BEND7: variants seen among roughly 807,000 people sequenced by gnomAD.
The protein encoded by BEND7 is BEN domain-containing protein 7.
BEND7 carries 28 observed loss-of-function variants against 50.9 expected under a neutral mutation model. The observed-to-expected ratio is 0.55, with a 90% CI of 0.41 to 0.75. The LOEUF (loss-of-function observed/expected upper bound fraction) is 0.75, where lower values mean the gene tolerates loss of function less well. Ranked by LOEUF, BEND7 falls within the 30% of genes least tolerant of loss-of-function variation. The pLI is 0.00. For synonymous variants in BEND7, 170 were observed against 183.9 expected (o/e 0.92, Z 0.61); for missense variants, 477 against 491.3 (o/e 0.97, Z 0.28).
intron 3 of BEND7, among the ~76,000 whole-genome samples, chr10:13,499,200 T>C (rs1001355408): frequency 6.6e-6 from 1 of 152,192 alleles, no homozygotes; most frequent in Non-Finnish European, 1.5e-5. Context: ...TTCTTAACAA[T>C]TAGGAAACTT....
intron 6 of BEND7, among the ~76,000 whole-genome samples, chr10:13,470,815 T>A (rs906739505): frequency 2.0e-5 from 3 of 152,178 alleles, no homozygotes; most frequent in Admixed American, 6.5e-5. Context: ...GGAGGTAAAC[T>A]ATATCTGAGT....
chr10:13,466,652 T>C (rs1293913780), intron 6 of BEND7, among the ~76,000 whole-genome samples: 1 of 152,174 alleles, frequency 6.6e-6, no homozygotes, highest in Non-Finnish European at 1.5e-5. Context: ...AATCGAATGC[T>C]GAGGCTCAAG....
chr10:13,492,123 G>T (rs544043361), intron 5 of BEND7, among the ~76,000 whole-genome samples: 1 of 152,020 alleles, frequency 6.6e-6, no homozygotes, highest in African/African-American at 2.4e-5. Context: ...ATCATTACAC[G>T]GAGTAAATGG....
Position 13,496,787 on chromosome 10 carries a change from T to A in BEND7, c.550A>T (p.Lys184Ter), listed in dbSNP as rs763351028. The change falls in exon 4 of 9, where the codon AAA (lysine) becomes TAA (stop). Residue 184 changes from lysine (K) to a stop codon, truncating the protein, a stop_gained. Coordinates refer to ENST00000466271, the MANE Select transcript of BEND7 (RefSeq NM_001369863.1). LOFTEE classifies it high-confidence loss of function. ...GTACCTGCTTGAATTTGCATTAATT[T>A]CCTCATGGTCTTGAGTTCTTGTAGA... ...AILQELKTMRKLMQIQAVGTQ... is the reference protein window; with the variant it reads ...AILQELKTMR 2 of 1,613,830 alleles carry A rather than the reference T, an allele frequency of 1.2e-6. No homozygotes were observed. Among genetic ancestry groups the A allele is most frequent in the Non-Finnish European group, 1.7e-6 (2 of 1,179,940 alleles).
chr10:13,447,411 T>C, intron 7 of BEND7, 95 bp from the exon 8 acceptor site: 4 of 1,227,966 alleles, frequency 3.3e-6, no homozygotes, highest in South Asian at 1.3e-5. Context: ...AACTCCAGTA[T>C]ACATAACTGT....
downstream of BEND7, chr10:13,438,983 A>T: frequency 1.7e-6 from 1 of 596,444 alleles, no homozygotes. Context: ...CGTCAGAATG[A>T]CTCGGTTGCA....
intron 2 of BEND7, among the ~76,000 whole-genome samples, chr10:13,509,510 G>A (rs148384910): frequency 1.3e-5 from 2 of 152,168 alleles, no homozygotes; most frequent in Admixed American, 6.5e-5. Context: ...TACGGTGTCC[G>A]TGACTGAACA....
intron 6 of BEND7, 194 bp downstream of exon 6, chr10:13,480,705 C>T: frequency 2.0e-6 from 2 of 985,244 alleles, no homozygotes; most frequent in South Asian, 4.7e-5. Context: ...TTAACATTAC[C>T]TTGAATAATG....
intron 8 of BEND7, 126 bp from the exon 9 acceptor site, chr10:13,441,876 G>C: frequency 6.5e-6 from 6 of 922,394 alleles, no homozygotes; most frequent in East Asian, 2.6e-5. Context: ...CCCAAAAGAA[G>C]AAAAAGAAGC....
At position 13,481,118 on chromosome 10, in the gene BEND7, C is replaced by G; in HGVS notation, c.844G>C (p.Val282Leu). The change falls in exon 6 of 9, where the codon GTA (valine) becomes CTA (leucine). Residue 282 changes from valine (V) to leucine (L), a missense_variant. Coordinates refer to ENST00000466271, the MANE Select transcript of BEND7 (RefSeq NM_001369863.1). ...ACGTCAAAGCCTTCAGCAAGTTGTA[C>G]TTCTGGCTACCAAAAGAACACAGAT... ...VLESPSSDPE[V>L]QLAEGFDVFM... 1.2e-6 allele frequency: 2 copies of G among 1,613,560 alleles called. No homozygotes were observed. Among genetic ancestry groups the G allele is most frequent in the Non-Finnish European group, 1.7e-6 (2 of 1,179,632 alleles).
intron 6 of BEND7, 36 bp downstream of exon 6, chr10:13,480,863 A>G (rs748633743): frequency 5.0e-6 from 8 of 1,611,806 alleles, no homozygotes; most frequent in South Asian, 2.2e-5. Context: ...GGAAAGCTCA[A>G]CGAAGAACCC....
In BEND7 at chr10:13,520,823, T is replaced by G. The variant is rs150395946; in HGVS notation, c.145+5315A>C. Among the ~76,000 whole-genome samples, 675 of 152,270 alleles carry G rather than the reference T, an allele frequency of 4.4e-3. 13 individuals are homozygous for G. In the South Asian group the frequency reaches 0.072, roughly 16 times the overall value. ...CCCGGATGGCCTAACTACAAATGCC[T>G]CCCAGACTTTAGGCAACAAGTCATA... On this transcript the variant is annotated intron_variant, in intron 2 of 8. Transcript: ENST00000466271.
intron 2 of BEND7, among the ~76,000 whole-genome samples, chr10:13,503,744 A>T (rs1197306379): frequency 7.5e-6 from 1 of 133,270 alleles, no homozygotes; most frequent in Non-Finnish European, 1.7e-5. Context: ...AACAACAACT[A>T]AAAGGATGGA....
chr10:13,451,787 G>A (rs1393512179), intron 7 of BEND7, among the ~76,000 whole-genome samples: 1 of 123,374 alleles, frequency 8.1e-6, no homozygotes, highest in East Asian at 2.4e-4. Flanking sequence ...AGGCCCCGGT[G>A]TGTGATGTTC....
intron 2 of BEND7, among the ~76,000 whole-genome samples, chr10:13,515,869 T>C (rs867634337): frequency 1.1e-4 from 17 of 152,296 alleles, no homozygotes; most frequent in African/African-American, 3.1e-4. Context: ...CTTACATTCA[T>C]AGAGAGTGCA....
At chr10:13,483,567 G>A (rs1049312987) in intron 5 of BEND7, among the ~76,000 whole-genome samples, 1 of 152,190 alleles carries the variant, frequency 6.6e-6, no homozygotes, top group African/African-American at 2.4e-5. Context: ...TTGAAAGTTT[G>A]CCACGCTGTG....
At chr10:13,474,938 T>G (rs61833870) in intron 6 of BEND7, among the ~76,000 whole-genome samples, 15,737 of 152,326 alleles carry the variant, frequency 0.1, 857 homozygotes, top group Admixed American at 0.13. Flanking sequence ...CAGAATCTCC[T>G]GTGGTTGTGT....
At chr10:13,501,812 C>T (rs1333402370) in intron 2 of BEND7, among the ~76,000 whole-genome samples, 1 of 150,660 alleles carries the variant, frequency 6.6e-6, no homozygotes, top group African/African-American at 2.5e-5. Context: ...TGCCACTGCA[C>T]TTCAGCCTGG....
At chr10:13,459,842 A>C (rs1208944786) in intron 6 of BEND7, 1 of 152,236 alleles carries the variant, frequency 6.6e-6, no homozygotes, top group Non-Finnish European at 1.5e-5. Flanking sequence ...GAAATGGGGG[A>C]CCAACCAAAC....
Sources: gnomAD v4.1 joint callset for allele counts (sites outside exome capture counted in the v4.1 genomes callset) on GRCh38, gnomAD v4.1.1 for gene constraint, MANE v1.5 for transcripts, NCBI Gene and HGNC (gene_info 2026-07-23, HGNC 2026-07-21) for gene names.